The following GALNT13 variants were observed in gnomAD, a reference collection of about 807,000 sequenced individuals.
GALNT13 encodes UDP-GalNAc:polypeptide N-acetylgalactosaminyltransferase 13.
A neutral mutation model predicts 64.2 loss-of-function variants in GALNT13; 28 were observed. The observed-to-expected ratio is 0.44, with a 90% CI of 0.32 to 0.60. The LOEUF (loss-of-function observed/expected upper bound fraction) is 0.60. Among genes scored for constraint, GALNT13 ranks in the 20% least tolerant of loss-of-function variants. The pLI is 0.05. For synonymous variants in GALNT13, 214 were observed against 224.6 expected (o/e 0.95, Z 0.42); for missense variants, 577 against 669.8 (o/e 0.86, Z 1.53).
intron 11 of GALNT13, chr2:154,437,533 AG>A: frequency 7.8e-7 from 1 of 1,283,616 alleles, no homozygotes; most frequent in Non-Finnish European, 1.0e-6. Context: ...AGTTAAAAGA[AG>A]AAAACACATT....
the GALNT13 span, among the ~76,000 whole-genome samples, chr2:153,210,440 C>G: frequency 7.9e-5 from 12 of 152,108 alleles, no homozygotes; most frequent in Admixed American, 2.6e-4. Context: ...TCTATTGTCA[C>G]AGTGAATTAC....
At chr2:153,345,634 T>TC in the GALNT13 span, among the ~76,000 whole-genome samples, 308 of 123,194 alleles carry the variant, frequency 2.5e-3, 3 homozygotes, top group South Asian at 5.3e-3. Flanking sequence ...TTTTCCTTTC[T>TC]TTTTCTTTCT....
intron 8 of GALNT13, among the ~76,000 whole-genome samples, chr2:154,289,936 G>A (rs193070552): frequency 9.2e-5 from 14 of 152,310 alleles, no homozygotes; most frequent in Admixed American, 5.9e-4. Context: ...TAGTGAGAGA[G>A]ATGCTGAATA....
At chr2:154,208,648 G>T (rs866874278) in intron 4 of GALNT13, among the ~76,000 whole-genome samples, 22 of 141,946 alleles carry the variant, frequency 1.5e-4, no homozygotes, top group African/African-American at 5.7e-4. Flanking sequence ...GTGTGTGTGT[G>T]TGTGTGTGTG....
intron 2 of GALNT13, among the ~76,000 whole-genome samples, chr2:153,916,124 C>CTTCA (rs1642497336): frequency 7.0e-6 from 1 of 142,600 alleles, no homozygotes; most frequent in African/African-American, 2.6e-5. Flanking sequence ...CCCTTCCTTC[C>CTTCA]TTCGTTCCTT....
intron 11 of GALNT13, among the ~76,000 whole-genome samples, chr2:154,421,364 C>T (rs1403593653): frequency 6.6e-6 from 1 of 151,864 alleles, no homozygotes; most frequent in African/African-American, 2.4e-5. Flanking sequence ...AGCTACACAT[C>T]GATATGGCTA....
chr2:153,448,611 A>C, the GALNT13 span, among the ~76,000 whole-genome samples: 172 of 152,302 alleles, frequency 1.1e-3, 1 homozygote, highest in Non-Finnish European at 2.0e-3. Flanking sequence ...AGTTCACTCA[A>C]TTCTTCTGTT....
intron 11 of GALNT13, among the ~76,000 whole-genome samples, chr2:154,435,605 A>C (rs879554991): frequency 3.9e-4 from 59 of 152,296 alleles, no homozygotes; most frequent in Non-Finnish European, 5.6e-4. Flanking sequence ...AGGTATTATA[A>C]ACTCTCTCTC....
chr2:153,846,390 T>C, the GALNT13 span, among the ~76,000 whole-genome samples: 1 of 152,128 alleles, frequency 6.6e-6, no homozygotes, highest in South Asian at 2.1e-4. Flanking sequence ...GTATATTGAA[T>C]GTTTATAGGT....
the GALNT13 span, among the ~76,000 whole-genome samples, chr2:153,095,096 C>T: frequency 5.3e-5 from 8 of 151,996 alleles, no homozygotes; most frequent in East Asian, 1.9e-4. Flanking sequence ...TCAGAGTGAA[C>T]AGGCAACCTA....
the GALNT13 span, among the ~76,000 whole-genome samples, chr2:153,511,095 G>T: frequency 6.6e-6 from 1 of 152,138 alleles, no homozygotes; most frequent in African/African-American, 2.4e-5. Flanking sequence ...GGTGGAAGGA[G>T]GAAGAGGATG....
intron 3 of GALNT13, among the ~76,000 whole-genome samples, chr2:154,062,817 C>G (rs1700259198): frequency 6.6e-6 from 1 of 151,390 alleles, no homozygotes; most frequent in Non-Finnish European, 1.5e-5. Flanking sequence ...TTTAATGACC[C>G]CAAATGTTTC....
the GALNT13 span, among the ~76,000 whole-genome samples, chr2:153,696,663 CTCTCT>C: frequency 6.6e-6 from 1 of 152,226 alleles, no homozygotes; most frequent in East Asian, 1.9e-4. Context: ...TAGTCATTCT[CTCTCT>C]TCTCTATCAA....
intron 3 of GALNT13, among the ~76,000 whole-genome samples, chr2:154,096,517 G>C (rs1471794192): frequency 2.0e-5 from 3 of 152,004 alleles, no homozygotes; most frequent in African/African-American, 7.2e-5. Flanking sequence ...AAGACTCAGA[G>C]ACTTGCATAC....
At chr2:154,432,406 C>T (rs554847344) in intron 11 of GALNT13, among the ~76,000 whole-genome samples, 49 of 152,240 alleles carry the variant, frequency 3.2e-4, no homozygotes, top group African/African-American at 1.1e-3. Context: ...AATCTGATTT[C>T]GTGACTTTAG....
At chr2:154,288,168 G>A (rs1325383492) in intron 8 of GALNT13, among the ~76,000 whole-genome samples, 2 of 152,136 alleles carry the variant, frequency 1.3e-5, no homozygotes, top group East Asian at 1.9e-4. Flanking sequence ...AGGAAAGAGC[G>A]CTTGTGTAGG....
chr2:154,201,824 T>G (rs190885519), intron 4 of GALNT13, among the ~76,000 whole-genome samples: 16 of 152,246 alleles, frequency 1.1e-4, no homozygotes, highest in African/African-American at 3.6e-4. Flanking sequence ...AAGATAGATA[T>G]GTGTCTGGCA....
chr2:154,326,941 A>T (rs751237154), intron 9 of GALNT13, among the ~76,000 whole-genome samples: 20 of 152,116 alleles, frequency 1.3e-4, no homozygotes, highest in Non-Finnish European at 2.4e-4. Flanking sequence ...GTTCCTATGG[A>T]TGCAAATTTG....
intron 3 of GALNT13, among the ~76,000 whole-genome samples, chr2:153,988,209 A>G (rs752993297): frequency 6.6e-6 from 1 of 151,854 alleles, no homozygotes. Context: ...GTTATCTTGC[A>G]ATATACTGTA....
Sources: allele counts gnomAD v4.1 joint callset (sites outside exome capture counted in the v4.1 genomes callset), GRCh38; gene constraint gnomAD v4.1.1; transcripts MANE v1.5; gene names NCBI Gene and HGNC (gene_info 2026-07-23, HGNC 2026-07-21).